The following ARHGAP8 variants were observed in gnomAD, a reference collection of about 807,000 sequenced individuals.
ARHGAP8 encodes Rho GTPase activating protein 8, also known as rho GTPase-activating protein 8.
Under a neutral mutation model 46.1 loss-of-function variants are expected in ARHGAP8, and 62 were observed. That is an observed-to-expected ratio of 1.34 (90% CI 1.10 to 1.66). The LOEUF (loss-of-function observed/expected upper bound fraction) is 1.66, where lower values mean the gene tolerates loss of function less well. ARHGAP8 is among the 40% of genes most tolerant of loss of function. The probability of loss-of-function intolerance (pLI) is 0.00; values close to 1 mark genes in which losing one functional copy is unlikely to be tolerated. For synonymous variants in ARHGAP8, 375 were observed against 243.1 expected (o/e 1.54, Z -5.05); for missense variants, 923 against 568.4 (o/e 1.62, Z -6.34).
rs748925634 is a variant in ARHGAP8, at chr22:44,854,972, A to C, written c.878-4759A>C. Among the ~76,000 whole-genome samples the C allele has an allele frequency of 2.0e-5, 3 of 152,286 alleles. No individual in the cohort carries two copies. In the East Asian group the frequency reaches 5.8e-4, roughly 30 times the overall value. ...ATACAGCTGTTTTTAATAAACTAACAATATCAGACTAATCTTGTCAGAGTT... is the reference window on the plus strand; with the variant it reads ...ATACAGCTGTTTTTAATAAACTAACCATATCAGACTAATCTTGTCAGAGTT... On this transcript the variant is annotated intron_variant, in intron 10 of 11. Coordinates refer to ENST00000356099, the MANE Select transcript of ARHGAP8 (RefSeq NM_181335.3).
chr22:44,858,048 T>G (rs1402298992), intron 10 of ARHGAP8, among the ~76,000 whole-genome samples: 4 of 152,272 alleles, frequency 2.6e-5, no homozygotes, highest in African/African-American at 9.6e-5. Context: ...CCTGGCTCGG[T>G]TGAAATACTC....
At chr22:44,775,190 A>G (rs1268965897) in intron 1 of ARHGAP8, among the ~76,000 whole-genome samples, 1 of 152,202 alleles carries the variant, frequency 6.6e-6, no homozygotes, top group Non-Finnish European at 1.5e-5. Context: ...GCAGCACAAC[A>G]CATAAACTGA....
At chr22:44,854,312 T>C (rs1405713420) in intron 10 of ARHGAP8, among the ~76,000 whole-genome samples, 1 of 149,112 alleles carries the variant, frequency 6.7e-6, no homozygotes, top group East Asian at 2.1e-4. Flanking sequence ...TCTTGGCTCA[T>C]TACAACTTCT....
chr22:44,833,006 C>T (rs1193984796), intron 7 of ARHGAP8, among the ~76,000 whole-genome samples: 1 of 151,962 alleles, frequency 6.6e-6, no homozygotes, highest in Non-Finnish European at 1.5e-5. Context: ...AATCAACAGT[C>T]CTTCACTACT....
chr22:44,785,378 G>C (rs1304716846), intron 1 of ARHGAP8, among the ~76,000 whole-genome samples: 2 of 152,152 alleles, frequency 1.3e-5, no homozygotes, highest in Non-Finnish European at 2.9e-5. Flanking sequence ...GGTGTCTGCA[G>C]AGCTGCACTT....
chr22:44,808,574 T>A, intron 4 of ARHGAP8, 136 bp downstream of exon 4: 1 of 1,477,352 alleles, frequency 6.8e-7, no homozygotes, highest in Non-Finnish European at 9.1e-7. Context: ...TGAGCAAATG[T>A]GGGGCAGTGG....
At chr22:44,837,326 C>T (rs1424115366) in intron 7 of ARHGAP8, among the ~76,000 whole-genome samples, 1 of 152,242 alleles carries the variant, frequency 6.6e-6, no homozygotes, top group Non-Finnish European at 1.5e-5. Flanking sequence ...CTGAGAGTCC[C>T]CGATGCCCTC....
intron 1 of ARHGAP8, among the ~76,000 whole-genome samples, chr22:44,755,446 T>C (rs1198906840): frequency 3.3e-5 from 5 of 152,214 alleles, no homozygotes. Context: ...TACCCCTTGG[T>C]CCTTTAATTA....
chr22:44,787,951 G>A (rs8141429), intron 2 of ARHGAP8, among the ~76,000 whole-genome samples: 56,296 of 123,910 alleles, frequency 0.45, 12,374 homozygotes, highest in East Asian at 0.57. Flanking sequence ...CCCCCCAAAT[G>A]TCCTTTTAAG....
At chr22:44,828,570 C>T (rs1033439386) in intron 7 of ARHGAP8, among the ~76,000 whole-genome samples, 3 of 152,030 alleles carry the variant, frequency 2.0e-5, no homozygotes, top group Admixed American at 6.6e-5. Context: ...CTGCCTCAGC[C>T]TCCTGATTAG....
intron 4 of ARHGAP8, chr22:44,808,673 G>C (rs1929113629): frequency 2.6e-6 from 2 of 770,444 alleles, no homozygotes; most frequent in East Asian, 6.1e-5. Context: ...TTTTTTAAGA[G>C]ACGGTCTCAC....
At chr22:44,798,362 T>G (rs1040267349) in intron 2 of ARHGAP8, among the ~76,000 whole-genome samples, 1 of 151,504 alleles carries the variant, frequency 6.6e-6, no homozygotes, top group African/African-American at 2.4e-5. Context: ...CCTCCCATCT[T>G]GGCCCCCAAA....
intron 5 of ARHGAP8, among the ~76,000 whole-genome samples, chr22:44,814,973 G>A (rs891656114): frequency 6.6e-6 from 1 of 152,158 alleles, no homozygotes; most frequent in Non-Finnish European, 1.5e-5. Flanking sequence ...CACCTGTGGG[G>A]TTTGCACCTG....
intron 2 of ARHGAP8, among the ~76,000 whole-genome samples, chr22:44,790,505 G>A (rs1004871822): frequency 1.3e-5 from 2 of 151,590 alleles, no homozygotes; most frequent in Admixed American, 6.6e-5. Context: ...GTGAAACCCC[G>A]TCTCTACTAA....
chr22:44,825,360 C>A, intron 6 of ARHGAP8, 123 bp from the exon 7 acceptor site: 4 of 949,676 alleles, frequency 4.2e-6, no homozygotes, highest in Non-Finnish European at 6.2e-6. Context: ...CAGTGTGGCA[C>A]GTGCGCCCAG....
At chr22:44,860,074 T>C (rs2070395694) in intron 11 of ARHGAP8, among the ~76,000 whole-genome samples, 1 of 152,168 alleles carries the variant, frequency 6.6e-6, no homozygotes, top group Admixed American at 6.5e-5. Flanking sequence ...GTACCTGCTG[T>C]CCCTCAGCCA....
intron 10 of ARHGAP8, among the ~76,000 whole-genome samples, chr22:44,851,393 A>ATATTTATTTATT (rs35942720): frequency 1.3e-5 from 2 of 151,018 alleles, no homozygotes; most frequent in African/African-American, 4.9e-5. Context: ...AGCCTTTTAA[A>ATATTTATTTATT]TATTTATTTA....
chr22:44,755,028 G>A (rs753229077), intron 1 of ARHGAP8, among the ~76,000 whole-genome samples: 9 of 152,202 alleles, frequency 5.9e-5, no homozygotes, highest in Non-Finnish European at 1.0e-4. Flanking sequence ...GCTATTGGCT[G>A]TCCTTCCCCA....
At chr22:44,774,993 G>C (rs1057002109) in intron 1 of ARHGAP8, among the ~76,000 whole-genome samples, 1 of 151,358 alleles carries the variant, frequency 6.6e-6, no homozygotes, top group Non-Finnish European at 1.5e-5. Context: ...ACCATGCCTG[G>C]CTAACTTTTT....
Sources: allele counts gnomAD v4.1 joint callset (sites outside exome capture counted in the v4.1 genomes callset), GRCh38; gene constraint gnomAD v4.1.1; transcripts MANE v1.5; gene names NCBI Gene and HGNC (gene_info 2026-07-23, HGNC 2026-07-21).